The following ASB18 variants were observed in gnomAD, a reference collection of about 807,000 sequenced individuals.
ASB18 encodes ankyrin repeat and SOCS box protein 18.
ASB18 carries 33 observed loss-of-function variants against 33.4 expected under a neutral mutation model. The observed-to-expected ratio is 0.99, with a 90% confidence interval of 0.75 to 1.32. The LOEUF (loss-of-function observed/expected upper bound fraction) is 1.32, where lower values mean the gene tolerates loss of function less well. Ranked by LOEUF, ASB18 falls within the 40% of genes most tolerant of loss-of-function variation. The pLI, the probability that ASB18 is intolerant of heterozygous loss-of-function variation, is 0.00. For synonymous variants in ASB18, 295 were observed against 307.6 expected (o/e 0.96, Z 0.43); for missense variants, 694 against 655.5 (o/e 1.06, Z -0.64).
rs1421606916 is a variant in ASB18 at position 236,214,469 on chromosome 2, G to C, written c.994C>G (p.Arg332Gly). The part of the protein sequence containing the change: ...LDYGGASPLG[R>G]VLQTASCALQ... ...GCGCAGGATGCGGTCTGGAGCACGC[G>C]GCCCAGCGGCGAGGCCCCGCCATAG... Residue 332 changes from arginine to glycine, a missense_variant, in exon 4 of 6, where the codon CGC becomes GGC. Coordinates refer to ENST00000409749, the MANE Select transcript of ASB18 (RefSeq NM_212556.4). This position sits in a 1 kb window ranked among gnomAD's most constrained non-coding sequence, Gnocchi z 6.5. The C allele has an allele frequency of 2.6e-6, 4 of 1,515,826 alleles. 1 individual carries two copies. The African/African-American group carries it at 5.7e-5, about 22-fold the overall frequency. The allele number at this position is 1,515,826 out of a possible 1,614,324, so 93.9% of individuals were successfully genotyped here.
chr2:236,194,805 T>C lies in ASB18; in HGVS notation c.*67A>G. 7.0e-7 allele frequency: 1 copy of C among 1,427,542 alleles called. No homozygotes were observed. The highest frequency in any genetic ancestry group is 1.9e-4 in the Middle Eastern group (1 of 5,318). The allele number at this position is 1,427,542 out of a possible 1,614,324, so 88.4% of individuals were successfully genotyped here. ...CACCTCCATCTGCATCAGGGCACTC[T>C]CCAACACACGGCCTCCATGGAAGGT... On this transcript the variant is annotated 3_prime_UTR_variant, in exon 6 of 6. Transcript: ENST00000409749. The surrounding 1 kb of genome is among the most constrained non-coding windows in gnomAD (Gnocchi z 4.5).
Position 236,208,861 on chromosome 2 carries a change from G to A in ASB18, c.1101+5501C>T, listed in dbSNP as rs2060446048. Among the ~76,000 whole-genome samples, 1 of 152,208 alleles carries A rather than the reference G, an allele frequency of 6.6e-6. No individual in the cohort carries two copies. Among genetic ancestry groups the A allele is most frequent in the African/African-American group, 2.4e-5 (1 of 41,452 alleles). On this transcript the variant is annotated intron_variant, in intron 4 of 5. Transcript: ENST00000409749. This position sits in a 1 kb window ranked among gnomAD's most constrained non-coding sequence, Gnocchi z 7.7. ...GGCGGCTGCCACATTACTCTGACAT[G>A]CTGATGTCATTAGTGTCCACGCACA...
Position 236,200,736 on chromosome 2 carries a change from T to C in ASB18, c.1102-4351A>G, listed in dbSNP as rs2060396796. 6.6e-6 allele frequency among the ~76,000 whole-genome samples: 1 copy of C among 152,250 alleles called. No individual in the cohort carries two copies. The highest frequency in any genetic ancestry group is 1.5e-5 in the Non-Finnish European group (1 of 68,038). ...GTGGAAGGAAGAGATCTTCACTCTA[T>C]CGATGAATAAGCACCCTTTTCTCAT... On this transcript the variant is annotated intron_variant, in intron 4 of 5. Transcript: ENST00000409749. This position sits in a 1 kb window ranked among gnomAD's most constrained non-coding sequence, Gnocchi z 4.2.
At chr2:236,254,292 A>G (rs1485826538) in intron 1 of ASB18, 1 of 152,270 alleles carries the variant, frequency 6.6e-6, no homozygotes, top group Non-Finnish European at 1.5e-5. Context: ...CATATATCGA[A>G]CTGATTGCAC....
chr2:236,200,011 G>T lies in ASB18; in HGVS notation c.1102-3626C>A, dbSNP rs866021766. 6.6e-6 allele frequency among the ~76,000 whole-genome samples: 1 copy of T among 152,014 alleles called. No individual in the cohort carries two copies. Among genetic ancestry groups the T allele is most frequent in the African/African-American group, 2.4e-5 (1 of 41,378 alleles). ...CCTGGAAAATAATCTTCATTTTAAA[G>T]AAATTTAGCATTGCATAGATAACAG... On this transcript the variant is annotated intron_variant, in intron 4 of 5. Transcript: ENST00000409749. This position sits in a 1 kb window ranked among gnomAD's most constrained non-coding sequence, Gnocchi z 4.2.
chr2:236,236,724 G>T (rs1324433019), intron 3 of ASB18, among the ~76,000 whole-genome samples: 1 of 152,124 alleles, frequency 6.6e-6, no homozygotes, highest in African/African-American at 2.4e-5. Flanking sequence ...CCCCTGCTGG[G>T]CAGGACATCC....
In ASB18 at chr2:236,228,189, G is replaced by C. The variant is rs937518753; in HGVS notation, c.596+9500C>G. Among the ~76,000 whole-genome samples, 1 of 152,214 alleles carries C rather than the reference G, an allele frequency of 6.6e-6. No homozygotes were observed. The highest frequency in any genetic ancestry group is 1.5e-5 in the Non-Finnish European group (1 of 68,034). The stretch of plus-strand genomic sequence containing the variant: ...ATAGTTGGAAAGAAAGCCTCCTGGT[G>C]GAAAGTGGAGAATGCTTGTAGCCAA... On this transcript the variant is annotated intron_variant, in intron 3 of 5. Transcript: ENST00000409749. This position sits in a 1 kb window ranked among gnomAD's most constrained non-coding sequence, Gnocchi z 5.1.
rs1042205026 is a variant in ASB18, at chr2:236,262,704, C to A, written c.205+1437G>T. On this transcript the variant is annotated intron_variant, in intron 1 of 5. Transcript: ENST00000409749. This position sits in a 1 kb window ranked among gnomAD's most constrained non-coding sequence, Gnocchi z 5.2. ...GATGACAACCTCCCCTAAACCCCCCCCAGGGCAATCTTCTAGAGAGATGGA... is the reference window on the plus strand; with the variant it reads ...GATGACAACCTCCCCTAAACCCCCCACAGGGCAATCTTCTAGAGAGATGGA... Among the ~76,000 whole-genome samples the A allele has an allele frequency of 1.3e-5, 2 of 152,140 alleles. No homozygotes were observed. Among genetic ancestry groups the A allele is most frequent in the Admixed American group, 6.5e-5 (1 of 15,286 alleles).
intron 3 of ASB18, among the ~76,000 whole-genome samples, chr2:236,232,018 C>T (rs1483298303): frequency 6.6e-6 from 1 of 152,162 alleles, no homozygotes; most frequent in Non-Finnish European, 1.5e-5. Flanking sequence ...ATTTAATTTA[C>T]ATTTATAGAA....
rs1010085050 is a variant in ASB18 at position 236,221,896 on chromosome 2, G to A, written c.597-7030C>T. ...TTTCCTCCTCAGAGATGACACGGAG[G>A]CAGATGGGCTAGAGACATGTCCCAG... On this transcript the variant is annotated intron_variant, in intron 3 of 5. Transcript: ENST00000409749. The surrounding 1 kb of genome is among the most constrained non-coding windows in gnomAD (Gnocchi z 5.6). Among the ~76,000 whole-genome samples, 4 of 152,212 alleles carry A rather than the reference G, an allele frequency of 2.6e-5. No individual in the cohort carries two copies. Among genetic ancestry groups the A allele is most frequent in the Non-Finnish European group, 5.9e-5 (4 of 68,038 alleles).
At position 236,195,316 on chromosome 2, in the gene ASB18, G is replaced by A. The variant is rs538947931; in HGVS notation, c.1216-259C>T. Among the ~76,000 whole-genome samples the A allele has an allele frequency of 5.9e-5, 9 of 152,210 alleles. No individual in the cohort carries two copies. In the East Asian group the frequency reaches 1.5e-3, roughly 26 times the overall value. On this transcript the variant is annotated intron_variant, in intron 5 of 5. Transcript: ENST00000409749. This position sits in a 1 kb window ranked among gnomAD's most constrained non-coding sequence, Gnocchi z 5.5. ...TTCAGATGCTCCAGGTGGTCTCCCC[G>A]AATTCCGTTTTGCTCCATCCTCTTT...
chr2:236,219,070 CT>C lies in ASB18; in HGVS notation c.597-4205del, dbSNP rs1280424634. Reference sequence around the variant, plus strand: ...TGTTTTATTTTTGTATTGACAGGGTCTTGCTATGTTTCCCAGGCTGCTCTCA... The same window carrying C: ...TGTTTTATTTTTGTATTGACAGGGTCTGCTATGTTTCCCAGGCTGCTCTCA... On this transcript the variant is annotated intron_variant, in intron 3 of 5. Coordinates refer to ENST00000409749, the MANE Select transcript of ASB18 (RefSeq NM_212556.4). This position sits in a 1 kb window ranked among gnomAD's most constrained non-coding sequence, Gnocchi z 6.4. 6.6e-6 allele frequency among the ~76,000 whole-genome samples: 1 copy of C among 151,750 alleles called. No individual in the cohort carries two copies. The highest frequency in any genetic ancestry group is 2.4e-5 in the African/African-American group (1 of 41,274).
chr2:236,218,101 A>C (rs982248738), intron 3 of ASB18, among the ~76,000 whole-genome samples: 1 of 152,196 alleles, frequency 6.6e-6, no homozygotes, highest in Non-Finnish European at 1.5e-5. Context: ...TAGCTGGGTA[A>C]TGGCCAGGCT....
Position 236,196,344 on chromosome 2 carries a change from C to T in ASB18, c.1143G>A (p.Val381=). ...AGAGCTGAGGGTAGGAGTTGAAAAG[C>T]ACCTCGATGACTGCGGGGACAGATG... ...TCASVPAVIE[V]LFNSYPQLCL... The change falls in exon 5 of 6, where the codon GTG becomes GTA. Residue 381 remains valine (V), a synonymous_variant. Transcript: ENST00000409749. The surrounding 1 kb of genome is among the most constrained non-coding windows in gnomAD (Gnocchi z 5.6). 6.4e-7 allele frequency: 1 copy of T among 1,568,706 alleles called. No homozygotes were observed.
rs2060643072 is a variant in ASB18 at position 236,245,993 on chromosome 2, C to T, written c.206-4591G>A. ...TCAGGTGCTCAGCGTGGGGACCTAC[C>T]TCAGATCTGTGGGCTTTACTGCACA... is the stretch of plus-strand genomic sequence containing the variant. On this transcript the variant is annotated intron_variant, in intron 1 of 5. Transcript: ENST00000409749. This position sits in a 1 kb window ranked among gnomAD's most constrained non-coding sequence, Gnocchi z 4.7. Among the ~76,000 whole-genome samples the T allele has an allele frequency of 6.6e-6, 1 of 152,108 alleles. No homozygotes were observed. Among genetic ancestry groups the T allele is most frequent in the South Asian group, 2.1e-4 (1 of 4,818 alleles).
Position 236,222,143 on chromosome 2 carries a change from A to G in ASB18, c.597-7277T>C, listed in dbSNP as rs2060515730. ...ACGACTTTGATGGAGGAGCGGTTCC[A>G]CTTTATTTCCCTGGACCTTCTGCTG... On this transcript the variant is annotated intron_variant, in intron 3 of 5. Coordinates refer to ENST00000409749, the MANE Select transcript of ASB18 (RefSeq NM_212556.4). The surrounding 1 kb of genome is among the most constrained non-coding windows in gnomAD (Gnocchi z 5.5). Among the ~76,000 whole-genome samples, 1 of 152,114 alleles carries G rather than the reference A, an allele frequency of 6.6e-6. No individual in the cohort carries two copies. The highest frequency in any genetic ancestry group is 2.1e-4 in the South Asian group (1 of 4,822).
At position 236,262,704 on chromosome 2, in the gene ASB18, C is replaced by G. The variant is rs1042205026; in HGVS notation, c.205+1437G>C. Among the ~76,000 whole-genome samples the G allele has an allele frequency of 1.3e-5, 2 of 152,140 alleles. No individual in the cohort carries two copies. The highest frequency in any genetic ancestry group is 4.8e-5 in the African/African-American group (2 of 41,410). ...GATGACAACCTCCCCTAAACCCCCC[C>G]CAGGGCAATCTTCTAGAGAGATGGA... is the stretch of plus-strand genomic sequence containing the variant. On this transcript the variant is annotated intron_variant, in intron 1 of 5. Transcript: ENST00000409749. The surrounding 1 kb of genome is among the most constrained non-coding windows in gnomAD (Gnocchi z 5.2).
intron 3 of ASB18, among the ~76,000 whole-genome samples, chr2:236,218,646 A>G (rs2060498499): frequency 6.6e-6 from 1 of 151,950 alleles, no homozygotes; most frequent in East Asian, 2.0e-4. Context: ...AAAATACAAA[A>G]AATTAGCTAG....
Position 236,260,210 on chromosome 2 carries a change from G to A in ASB18, c.205+3931C>T, listed in dbSNP as rs2060711700. On this transcript the variant is annotated intron_variant, in intron 1 of 5. Coordinates refer to ENST00000409749, the MANE Select transcript of ASB18 (RefSeq NM_212556.4). This position sits in a 1 kb window ranked among gnomAD's most constrained non-coding sequence, Gnocchi z 5.1. ...GTTCTGTCTACTGGGCTTGTCCTTGGGATAGAAACCTCTTCCCTCTTCTTT... is the reference window on the plus strand; with the variant it reads ...GTTCTGTCTACTGGGCTTGTCCTTGAGATAGAAACCTCTTCCCTCTTCTTT... Among the ~76,000 whole-genome samples, 1 of 151,990 alleles carries A rather than the reference G, an allele frequency of 6.6e-6. No individual in the cohort carries two copies.
Sources: allele counts gnomAD v4.1 joint callset (sites outside exome capture counted in the v4.1 genomes callset), GRCh38; gene constraint gnomAD v4.1.1; non-coding constraint Gnocchi (gnomAD v3.1); transcripts MANE v1.5; gene names NCBI Gene and HGNC (gene_info 2026-07-23, HGNC 2026-07-21).